Variants in HSD17B3 observed in about 807,000 individuals in gnomAD.
HSD17B3 encodes the protein hydroxysteroid 17-beta dehydrogenase 3.
HSD17B3 carries 29 observed loss-of-function variants against 41.1 expected under a neutral mutation model. The observed-to-expected ratio is 0.71, with a 90% CI of 0.53 to 0.96. The LOEUF (loss-of-function observed/expected upper bound fraction) is 0.96. HSD17B3 is among the 40% of genes least tolerant of loss of function. HSD17B3 has a pLI of 0.00. For synonymous variants in HSD17B3, 126 were observed against 145.6 expected, an observed-to-expected ratio of 0.87 and a Z score of 0.97; for missense variants, 323 against 374.6, an observed-to-expected ratio of 0.86 and a Z score of 1.14.
chr9:96,246,696 T>A, intron 6 of HSD17B3, 106 bp from the exon 7 acceptor site: 2 of 965,592 alleles, frequency 2.1e-6, no homozygotes, highest in Non-Finnish European at 3.3e-6. Flanking sequence ...GGAAAGAGCC[T>A]CATCTTCTCA....
intron 1 of HSD17B3, among the ~76,000 whole-genome samples, chr9:96,300,748 A>T (rs1246432675): frequency 6.6e-6 from 1 of 152,126 alleles, no homozygotes; most frequent in East Asian, 1.9e-4. Flanking sequence ...ATAGGGCTGA[A>T]GTTCTGCATG....
At chr9:96,293,055 GAAAT>G (rs886839535) in intron 2 of HSD17B3, among the ~76,000 whole-genome samples, 1 of 152,134 alleles carries the variant, frequency 6.6e-6, no homozygotes, top group Non-Finnish European at 1.5e-5. Context: ...TCTATAAACA[GAAAT>G]AAAGTGACTT....
chr9:96,262,154 A>G (rs1213005826), intron 2 of HSD17B3, among the ~76,000 whole-genome samples: 1 of 150,104 alleles, frequency 6.7e-6, no homozygotes, highest in Non-Finnish European at 1.5e-5. Flanking sequence ...TATTGAAAAC[A>G]CTGGTTACAC....
At position 96,235,434 on chromosome 9, in the gene HSD17B3, G is replaced by T; in HGVS notation, c.*26C>A. 1 of 1,515,290 alleles carries T rather than the reference G, an allele frequency of 6.6e-7. No homozygotes were observed. Among genetic ancestry groups the T allele is most frequent in the Non-Finnish European group, 9.1e-7 (1 of 1,094,066 alleles). The allele number at this position is 1,515,290 out of a possible 1,614,324, so 93.9% of individuals were successfully genotyped here. A position where few individuals can be genotyped will look rare whatever the true frequency, so the allele number is the denominator to read the frequency against. ...CCAGCATGGGACTGGTGAGGAAAAGGTTGTGCTGGACTCCTCACCGCCTGG... is the reference window on the plus strand; with the variant it reads ...CCAGCATGGGACTGGTGAGGAAAAGTTTGTGCTGGACTCCTCACCGCCTGG... On this transcript the variant is annotated 3_prime_UTR_variant, in exon 11 of 11. Transcript: ENST00000375263.
At chr9:96,288,440 TCC>T (rs956299998) in intron 2 of HSD17B3, among the ~76,000 whole-genome samples, 2 of 151,716 alleles carry the variant, frequency 1.3e-5, no homozygotes, top group Non-Finnish European at 2.9e-5. Flanking sequence ...TGTCACAAGT[TCC>T]CCCCAACCTG....
chr9:96,266,901 T>C (rs1278094289), intron 2 of HSD17B3, among the ~76,000 whole-genome samples: 1 of 151,920 alleles, frequency 6.6e-6, no homozygotes, highest in Non-Finnish European at 1.5e-5. Flanking sequence ...GTAAGATGGT[T>C]TTTCTCTGCG....
At position 96,253,821 on chromosome 9, in the gene HSD17B3, A is replaced by G. The variant is rs1825522907; in HGVS notation, c.278-911T>C. ...AAAGCACATTTCAGCATTGTGAGGC[A>G]AACACTGAAGAATGTCTCGGTCCTA... On this transcript the variant is annotated intron_variant, in intron 3 of 10. Coordinates refer to ENST00000375263, the MANE Select transcript of HSD17B3 (RefSeq NM_000197.2). 1.3e-5 allele frequency among the ~76,000 whole-genome samples: 2 copies of G among 152,182 alleles called. 1 individual carries two copies. Among genetic ancestry groups the G allele is most frequent in the South Asian group, 4.1e-4 (2 of 4,824 alleles).
intron 2 of HSD17B3, among the ~76,000 whole-genome samples, chr9:96,261,147 A>AC (rs1825841921): frequency 6.6e-6 from 1 of 152,004 alleles, no homozygotes; most frequent in Non-Finnish European, 1.5e-5. Context: ...TTTGACCCAG[A>AC]CCCCCCAAAA....
intron 4 of HSD17B3, 70 bp from the exon 5 acceptor site, chr9:96,251,555 C>T: frequency 2.2e-6 from 3 of 1,370,958 alleles, no homozygotes; most frequent in Non-Finnish European, 3.1e-6. Flanking sequence ...GAACCATGTA[C>T]AAAAAGATTG....
intron 3 of HSD17B3, among the ~76,000 whole-genome samples, chr9:96,254,215 T>A (rs1468082900): frequency 6.6e-6 from 1 of 152,118 alleles, no homozygotes; most frequent in Non-Finnish European, 1.5e-5. Flanking sequence ...AACCTCCACA[T>A]CCTTACATGA....
At chr9:96,279,241 G>C (rs760613021) in intron 2 of HSD17B3, among the ~76,000 whole-genome samples, 1 of 152,180 alleles carries the variant, frequency 6.6e-6, no homozygotes, top group Non-Finnish European at 1.5e-5. Flanking sequence ...TATACCCAAG[G>C]TGGTTGGGCT....
intron 2 of HSD17B3, among the ~76,000 whole-genome samples, chr9:96,273,401 C>G (rs1826336155): frequency 6.6e-6 from 1 of 152,178 alleles, no homozygotes. Context: ...CTGTGTCACC[C>G]CATCTCCCAG....
At chr9:96,259,371 T>A (rs1222715736) in intron 2 of HSD17B3, among the ~76,000 whole-genome samples, 2 of 152,156 alleles carry the variant, frequency 1.3e-5, no homozygotes, top group East Asian at 3.9e-4. Flanking sequence ...TCTCTACCAC[T>A]TATTTCCATC....
chr9:96,249,961 G>C, intron 5 of HSD17B3, 175 bp from the exon 6 acceptor site: 1 of 1,505,224 alleles, frequency 6.6e-7, no homozygotes, highest in Non-Finnish European at 8.9e-7. Context: ...CTAGCATCAA[G>C]AAACATCTGA....
intron 2 of HSD17B3, among the ~76,000 whole-genome samples, chr9:96,288,373 C>T (rs1827006549): frequency 6.6e-6 from 1 of 152,170 alleles, no homozygotes; most frequent in Admixed American, 6.6e-5. Flanking sequence ...TTCACTCTCA[C>T]AGGTGATTTT....
chr9:96,246,110 G>A (rs964851963), intron 7 of HSD17B3, among the ~76,000 whole-genome samples: 1 of 152,140 alleles, frequency 6.6e-6, no homozygotes, highest in African/African-American at 2.4e-5. Context: ...ACTCCCAAAT[G>A]GGCATTGGAA....
At chr9:96,273,060 G>A (rs775833426) in intron 2 of HSD17B3, among the ~76,000 whole-genome samples, 9 of 152,186 alleles carry the variant, frequency 5.9e-5, no homozygotes, top group Non-Finnish European at 1.3e-4. Context: ...AAGGGACTGG[G>A]AGGAAAGTGG....
At chr9:96,240,692 G>C in intron 10 of HSD17B3, 66 bp downstream of exon 10, 1 of 1,536,340 alleles carries the variant, frequency 6.5e-7, no homozygotes, top group South Asian at 1.1e-5. Flanking sequence ...AGCTAGCCCA[G>C]CCCTGCCAGG....
chr9:96,301,498 G>C (rs1293597971), intron 1 of HSD17B3, among the ~76,000 whole-genome samples: 1 of 150,802 alleles, frequency 6.6e-6, no homozygotes, highest in Admixed American at 6.6e-5. Flanking sequence ...AAATCATGAG[G>C]TCAGGAGTTC....
Sources: gnomAD v4.1 joint callset for allele counts (sites outside exome capture counted in the v4.1 genomes callset) on GRCh38, gnomAD v4.1.1 for gene constraint, MANE v1.5 for transcripts, NCBI Gene and HGNC (gene_info 2026-07-23, HGNC 2026-07-21) for gene names.